Variants in CSMD1 observed in about 807,000 individuals in gnomAD.
CSMD1 encodes the protein CUB and sushi domain-containing protein 1.
CSMD1 carries 213 observed loss-of-function variants against 417.5 expected under a neutral mutation model. The ratio of observed to expected loss-of-function variants is 0.51; its 90% CI spans 0.46 to 0.57. CSMD1 has a LOEUF of 0.57. Ranked by LOEUF, CSMD1 falls within the 20% of genes least tolerant of loss-of-function variation. The probability of loss-of-function intolerance (pLI) is 0.00; values close to 1 mark genes in which losing one functional copy is unlikely to be tolerated. For missense variants in CSMD1, 6,923 were observed against 4,529.7 expected (o/e 1.53, Z -15.17); for synonymous variants, 2,862 against 1,736.8 (o/e 1.65, Z -16.11).
chr8:3,606,605 T>C (rs570600941), intron 8 of CSMD1, among the ~76,000 whole-genome samples: 3 of 152,182 alleles, frequency 2.0e-5, no homozygotes, highest in Admixed American at 6.5e-5. Flanking sequence ...TACACTCCTG[T>C]AGACCTTAGA....
In CSMD1 at chr8:4,054,776, C is replaced by T. The variant is rs193295360; in HGVS notation, c.416-22677G>A. 1.7e-3 allele frequency among the ~76,000 whole-genome samples: 252 copies of T among 152,224 alleles called. 1 individual carries two copies. Among genetic ancestry groups the T allele is most frequent in the Admixed American group, 5.0e-3 (76 of 15,276 alleles). On this transcript the variant is annotated intron_variant, in intron 3 of 69. Transcript: ENST00000635120. ...CTCTGGGGGTTGATGATGACATCTA[C>T]CTTCAAGTGGACGAACAACAATGGA...
At chr8:4,680,783 T>C (rs1190980291) in intron 1 of CSMD1, among the ~76,000 whole-genome samples, 3 of 152,102 alleles carry the variant, frequency 2.0e-5, no homozygotes, top group African/African-American at 7.2e-5. Flanking sequence ...TTTCACCATG[T>C]TGGCCAGGAT....
At chr8:3,107,618 C>T (rs575911634) in intron 45 of CSMD1, 100 bp downstream of exon 45, 1 of 712,652 alleles carries the variant, frequency 1.4e-6, no homozygotes, top group African/African-American at 1.9e-5. Flanking sequence ...GTTTCTCTGA[C>T]AAATTACTCA....
chr8:3,396,473 ATG>A, intron 16 of CSMD1, 92 bp from the exon 17 acceptor site: 1 of 885,342 alleles, frequency 1.1e-6, no homozygotes, highest in Non-Finnish European at 1.7e-6. Flanking sequence ...TCAGAAACCC[ATG>A]TACGTTAACA....
At chr8:3,204,301 G>A (rs983047785) in intron 31 of CSMD1, among the ~76,000 whole-genome samples, 1 of 151,990 alleles carries the variant, frequency 6.6e-6, no homozygotes, top group East Asian at 1.9e-4. Flanking sequence ...CATAGAATAT[G>A]GCTGCTAAAT....
chr8:4,751,098 T>C (rs1227753567), intron 1 of CSMD1, among the ~76,000 whole-genome samples: 5 of 149,970 alleles, frequency 3.3e-5, no homozygotes, highest in Non-Finnish European at 7.4e-5. Context: ...AAAGAGAGCA[T>C]GTCTGCCTGG....
chr8:4,963,274 C>G (rs546434827), intron 1 of CSMD1, among the ~76,000 whole-genome samples: 1 of 152,298 alleles, frequency 6.6e-6, no homozygotes, highest in South Asian at 2.1e-4. Flanking sequence ...AATCTTGACT[C>G]ACTGTAACCT....
intron 2 of CSMD1, among the ~76,000 whole-genome samples, chr8:4,500,637 C>T (rs576602804): frequency 2.6e-5 from 4 of 151,868 alleles, no homozygotes; most frequent in Admixed American, 6.6e-5. Flanking sequence ...GAGAGAGGGA[C>T]GAAAGTGAGA....
chr8:4,194,753 T>C (rs1225089632), intron 3 of CSMD1, among the ~76,000 whole-genome samples: 1 of 143,890 alleles, frequency 6.9e-6, no homozygotes, highest in East Asian at 2.7e-4. Context: ...TAAATAAACA[T>C]TTTTTTTAAC....
At chr8:4,730,152 T>C (rs536263644) in intron 1 of CSMD1, among the ~76,000 whole-genome samples, 2 of 151,858 alleles carry the variant, frequency 1.3e-5, no homozygotes, top group East Asian at 1.9e-4. Flanking sequence ...ATTCCCAGAA[T>C]GCAAAGCATG....
intron 3 of CSMD1, among the ~76,000 whole-genome samples, chr8:4,218,981 C>T (rs189127815): frequency 1.8e-4 from 27 of 152,248 alleles, no homozygotes; most frequent in Admixed American, 1.7e-3. Flanking sequence ...CAAATACTCC[C>T]GGTGTACAGC....
chr8:3,654,202 T>C (rs1797992739), intron 7 of CSMD1, among the ~76,000 whole-genome samples: 1 of 152,228 alleles, frequency 6.6e-6, no homozygotes, highest in Admixed American at 6.5e-5. Flanking sequence ...TTTTAATATT[T>C]ACCTTCAGTT....
rs79942140 is a variant in CSMD1, at chr8:4,655,752, A to C, written c.86-18194T>G. Among the ~76,000 whole-genome samples the C allele has an allele frequency of 8.3e-3, 1,263 of 152,280 alleles. 13 individuals are homozygous for C. Among genetic ancestry groups the C allele is most frequent in the African/African-American group, 0.018 (742 of 41,504 alleles). On this transcript the variant is annotated intron_variant, in intron 1 of 69. Coordinates refer to ENST00000635120, the MANE Select transcript of CSMD1 (RefSeq NM_033225.6). The stretch of plus-strand genomic sequence containing the variant: ...CATAAGAAATGCCCAACAGCTACTC[A>C]CACTAATAGTATAATTTACGTTGAT...
At chr8:3,556,470 C>T (rs979750253) in intron 10 of CSMD1, among the ~76,000 whole-genome samples, 16 of 143,346 alleles carry the variant, frequency 1.1e-4, no homozygotes, top group Middle Eastern at 8.2e-3. Flanking sequence ...TTTGTTCAGT[C>T]CTTAAGCCAA....
chr8:4,446,481 A>C (rs973439063), intron 2 of CSMD1, among the ~76,000 whole-genome samples: 7 of 152,288 alleles, frequency 4.6e-5, no homozygotes, highest in Admixed American at 1.3e-4. Flanking sequence ...TGGGAGACTG[A>C]GGCTGCAGGG....
intron 23 of CSMD1, among the ~76,000 whole-genome samples, chr8:3,311,309 G>C (rs1251749230): frequency 6.6e-6 from 1 of 152,098 alleles, no homozygotes; most frequent in East Asian, 1.9e-4. Flanking sequence ...GAATGCAGTG[G>C]CATGATCTCG....
At chr8:3,502,666 T>C (rs1796655946) in intron 10 of CSMD1, among the ~76,000 whole-genome samples, 1 of 152,144 alleles carries the variant, frequency 6.6e-6, no homozygotes, top group African/African-American at 2.4e-5. Flanking sequence ...AAGGCAGAAC[T>C]ATGGAGACAG....
At chr8:4,283,634 G>C (rs117238941) in intron 3 of CSMD1, among the ~76,000 whole-genome samples, 3 of 152,096 alleles carry the variant, frequency 2.0e-5, no homozygotes, top group South Asian at 2.1e-4. Context: ...AAGAAATGTG[G>C]GTAGAGATGG....
At chr8:3,108,195 T>C (rs1412450012) in intron 44 of CSMD1, among the ~76,000 whole-genome samples, 3 of 152,178 alleles carry the variant, frequency 2.0e-5, no homozygotes, top group African/African-American at 4.8e-5. Flanking sequence ...AGATAAGCGA[T>C]TGATTGACAG....
Sources: allele counts gnomAD v4.1 joint callset (sites outside exome capture counted in the v4.1 genomes callset), GRCh38; gene constraint gnomAD v4.1.1; transcripts MANE v1.5; gene names NCBI Gene and HGNC (gene_info 2026-07-23, HGNC 2026-07-21).